The following ALDH2 variants were observed in gnomAD, a reference collection of about 807,000 sequenced individuals.
ALDH2 encodes the protein aldehyde dehydrogenase, mitochondrial.
In ALDH2, 44 loss-of-function variants were observed where a neutral mutation model predicts 59.6. The observed-to-expected ratio is 0.74, with a 90% CI of 0.58 to 0.95. The LOEUF (loss-of-function observed/expected upper bound fraction) is 0.95, where lower values mean the gene tolerates loss of function less well. Ranked by LOEUF, ALDH2 falls within the 40% of genes least tolerant of loss-of-function variation. The pLI, the probability that ALDH2 is intolerant of heterozygous loss-of-function variation, is 0.00. For synonymous variants in ALDH2, 291 were observed against 284.0 expected (o/e 1.02, Z -0.25); for missense variants, 570 against 696.3 (o/e 0.82, Z 2.04).
Position 111,789,971 on chromosome 12 carries a change from C to G in ALDH2, c.552+37C>G, listed in dbSNP as rs769168320. On this transcript the variant is annotated intron_variant, in intron 5 of 12. Coordinates refer to ENST00000261733, the MANE Select transcript of ALDH2 (RefSeq NM_000690.4). ...CTCCCTGGAGTTTCTTCAGGGTGCC[C>G]TGAGATTTGGCAGTCTGCCAGACTC... 4 of 1,591,066 alleles carry G rather than the reference C, an allele frequency of 2.5e-6. No homozygotes were observed. The East Asian group carries it at 8.9e-5, about 36-fold the overall frequency.
rs945203860 is a variant in ALDH2 at position 111,792,146 on chromosome 12, T to C, written c.881T>C (p.Ile294Thr). 3.1e-6 allele frequency: 5 copies of C among 1,605,966 alleles called. No individual in the cohort carries two copies. Among genetic ancestry groups the C allele is most frequent in the Non-Finnish European group, 3.4e-6 (4 of 1,177,860 alleles). Reference protein sequence around the residue: ...LELGGKSPNIIMSDADMDWAV... With the variant: ...LELGGKSPNITMSDADMDWAV... Reference sequence around the variant, plus strand: ...CTGGGGGGGAAGAGCCCCAACATCATCATGTCAGATGCCGATAGTGAGTTT... The same window carrying C: ...CTGGGGGGGAAGAGCCCCAACATCACCATGTCAGATGCCGATAGTGAGTTT... Residue 294 changes from isoleucine (I) to threonine (T), a missense_variant, in exon 8 of 13, where the codon ATC becomes ACC. Ile to Thr is a moderately conservative substitution (Grantham distance 89). Transcript: ENST00000261733.
rs904783835 is a variant in ALDH2 at position 111,816,882 on chromosome 12, A to G, written c.*7307A>G. 2.6e-5 allele frequency: 4 copies of G among 152,214 alleles called. No homozygotes were observed. Among genetic ancestry groups the G allele is most frequent in the African/African-American group, 9.6e-5 (4 of 41,452 alleles). 9.4% of individuals were successfully genotyped at this position (152,214 alleles called of 1,614,324 possible). On this transcript the variant is annotated 3_prime_UTR_variant, in exon 13 of 13. Coordinates refer to ENST00000261733, the MANE Select transcript of ALDH2 (RefSeq NM_000690.4). ...AAGAATTTTGTTTTGTAATTCACCG[A>G]TATCAAAGGTGATGTTGGATGTGCA... is the stretch of plus-strand genomic sequence containing the variant.
intron 10 of ALDH2, among the ~76,000 whole-genome samples, chr12:111,798,822 C>T (rs2068425749): frequency 6.6e-6 from 1 of 152,034 alleles, no homozygotes; most frequent in South Asian, 2.1e-4. Context: ...GCCTGGCCAA[C>T]ATGGCAAAAC....
intron 4 of ALDH2, among the ~76,000 whole-genome samples, chr12:111,787,445 C>T (rs866145708): frequency 6.6e-6 from 1 of 152,154 alleles, no homozygotes; most frequent in African/African-American, 2.4e-5. Context: ...GTTGTAATGC[C>T]ATATTCCTGA....
chr12:111,785,438 A>G, intron 4 of ALDH2, 92 bp downstream of exon 4: 1 of 1,172,330 alleles, frequency 8.5e-7, no homozygotes, highest in Non-Finnish European at 1.3e-6. Context: ...AAAAATTCAA[A>G]AGGGGCAGAG....
Position 111,812,639 on chromosome 12 carries a change from AGCTGAGGTGGGTGATTT to A in ALDH2, c.*3068_*3084del, listed in dbSNP as rs917002936. ...TGCCTGTAATCCCAGCATTTTGGGA[AGCTGAGGTGGGTGATTT>A]GCTTCAGCCCACGAGTTCAAGATCA... On this transcript the variant is annotated 3_prime_UTR_variant, in exon 13 of 13. Coordinates refer to ENST00000261733, the MANE Select transcript of ALDH2 (RefSeq NM_000690.4). 6.6e-6 allele frequency: 1 copy of A among 152,136 alleles called. No individual in the cohort carries two copies. Among genetic ancestry groups the A allele is most frequent in the Non-Finnish European group, 1.5e-5 (1 of 68,046 alleles). The allele number at this position is 152,136 out of a possible 1,614,324, so 9.4% of individuals were successfully genotyped here.
chr12:111,780,911 C>A (rs1287203165), intron 1 of ALDH2, among the ~76,000 whole-genome samples: 1 of 152,044 alleles, frequency 6.6e-6, no homozygotes, highest in African/African-American at 2.4e-5. Flanking sequence ...TCGCTTGAGT[C>A]CAGCCTGGGG....
intron 2 of ALDH2, among the ~76,000 whole-genome samples, chr12:111,782,698 C>T (rs950133781): frequency 6.6e-6 from 1 of 152,142 alleles, no homozygotes; most frequent in African/African-American, 2.4e-5. Context: ...GCCTGACCAA[C>T]ATGGTGAAAC....
Position 111,799,928 on chromosome 12 carries a change from T to A in ALDH2, c.1271T>A (p.Ile424Asn). ...KEEIFGPVMQ[I>N]LKFKTIEEVV... ...CAGATCTTCGGGCCAGTGATGCAGATCCTGAAGTTCAAGACCATAGAGGAG... is the reference window on the plus strand; with the variant it reads ...CAGATCTTCGGGCCAGTGATGCAGAACCTGAAGTTCAAGACCATAGAGGAG... Residue 424 changes from isoleucine to asparagine, a missense_variant, in exon 11 of 13, where the codon ATC becomes AAC. Transcript: ENST00000261733. 1 of 1,613,978 alleles carries A rather than the reference T, an allele frequency of 6.2e-7. No individual in the cohort carries two copies. The highest frequency in any genetic ancestry group is 2.2e-5 in the East Asian group (1 of 44,892).
At chr12:111,775,874 G>T (rs1044571506) in intron 1 of ALDH2, among the ~76,000 whole-genome samples, 2 of 152,260 alleles carry the variant, frequency 1.3e-5, no homozygotes, top group Admixed American at 6.5e-5. Context: ...CCCCACCGGG[G>T]AGGGAAGCCA....
chr12:111,786,142 G>C (rs78439634), intron 4 of ALDH2, among the ~76,000 whole-genome samples: 2,546 of 152,200 alleles, frequency 0.017, 83 homozygotes, highest in African/African-American at 0.058. Flanking sequence ...AGAAAATATT[G>C]TCTTTTGTCT....
At chr12:111,774,023 A>G (rs1173576406) in intron 1 of ALDH2, among the ~76,000 whole-genome samples, 1 of 152,204 alleles carries the variant, frequency 6.6e-6, no homozygotes, top group Non-Finnish European at 1.5e-5. Context: ...GAGTGGTGAA[A>G]CTGGCTCAGG....
chr12:111,802,026 A>G (rs1461167407), intron 11 of ALDH2, among the ~76,000 whole-genome samples: 2 of 151,986 alleles, frequency 1.3e-5, no homozygotes, highest in South Asian at 2.1e-4. Context: ...AGGCCAAGGT[A>G]GACGGATCAC....
rs899852087 is a variant in ALDH2 at position 111,791,992 on chromosome 12, G to C, written c.796-69G>C. Reference sequence around the variant, plus strand: ...CTCAAGCTGTGGGGGACTCTGTTCTGTGTCTATAGAGTGCTGGACTCTTTT... The same window carrying C: ...CTCAAGCTGTGGGGGACTCTGTTCTCTGTCTATAGAGTGCTGGACTCTTTT... On this transcript the variant is annotated intron_variant, in intron 7 of 12. Coordinates refer to ENST00000261733, the MANE Select transcript of ALDH2 (RefSeq NM_000690.4). 12 of 963,684 alleles carry C rather than the reference G, an allele frequency of 1.2e-5. No homozygotes were observed. In the African/African-American group the frequency reaches 1.5e-4, roughly 12 times the overall value. The allele number at this position is 963,684 out of a possible 1,614,324, so 59.7% of individuals were successfully genotyped here.
chr12:111,799,345 T>C (rs2068430037), intron 10 of ALDH2, among the ~76,000 whole-genome samples: 1 of 151,532 alleles, frequency 6.6e-6, no homozygotes, highest in Non-Finnish European at 1.5e-5. Flanking sequence ...TTTCTTATTT[T>C]CAGTAGAGAT....
chr12:111,788,766 C>A (rs998441316), intron 4 of ALDH2, among the ~76,000 whole-genome samples: 2 of 152,002 alleles, frequency 1.3e-5, no homozygotes, highest in Non-Finnish European at 2.9e-5. Context: ...CTTTGGGAGG[C>A]CAAGGCAGGA....
chr12:111,806,993 A>G (rs372708433), intron 12 of ALDH2, among the ~76,000 whole-genome samples: 24 of 138,740 alleles, frequency 1.7e-4, no homozygotes, highest in East Asian at 4.5e-4. Context: ...CAGACCGGGC[A>G]TGGTGGCTCA....
Position 111,798,096 on chromosome 12 carries a change from A to G in ALDH2, c.1102A>G (p.Lys368Glu), listed in dbSNP as rs775949935. 10 of 1,614,048 alleles carry G rather than the reference A, an allele frequency of 6.2e-6. No homozygotes were observed. The South Asian group carries it at 1.1e-4, about 18-fold the overall frequency. The change falls in exon 10 of 13, where the codon AAG becomes GAG. Residue 368 changes from lysine (K) to glutamate (E), a missense_variant. Transcript: ENST00000261733. ...QGPQVDETQF[K>E]KILGYINTGK... ...CCCACAGGTGGATGAAACTCAGTTT[A>G]AGAAGATCCTCGGCTACATCAACAC...
intron 1 of ALDH2, among the ~76,000 whole-genome samples, chr12:111,772,344 A>G (rs867563471): frequency 1.3e-5 from 2 of 151,990 alleles, no homozygotes; most frequent in South Asian, 4.2e-4. Flanking sequence ...CAGGTTGATG[A>G]CTTCTTTAGG....
Sources: allele counts gnomAD v4.1 joint callset (sites outside exome capture counted in the v4.1 genomes callset), GRCh38; gene constraint gnomAD v4.1.1; transcripts MANE v1.5; gene names NCBI Gene and HGNC (gene_info 2026-07-23, HGNC 2026-07-21).